Variants in NIPAL2 observed in about 807,000 individuals in gnomAD.
The protein encoded by NIPAL2 is NIPA-like protein 2.
A neutral mutation model predicts 48.9 loss-of-function variants in NIPAL2; 43 were observed. The observed-to-expected ratio is 0.88, with a 90% CI of 0.69 to 1.13. NIPAL2 has a LOEUF of 1.13. Among genes scored for constraint, NIPAL2 ranks in the 50% most tolerant of loss-of-function variants. The probability of loss-of-function intolerance (pLI) is 0.00; values close to 1 mark genes in which losing one functional copy is unlikely to be tolerated. For missense variants in NIPAL2, 446 were observed against 461.4 expected (o/e 0.97, Z 0.31); for synonymous variants, 167 against 174.6 (o/e 0.96, Z 0.34).
chr8:98,217,382 G>C, intron 5 of NIPAL2: 1 of 970,048 alleles, frequency 1.0e-6, no homozygotes, highest in Non-Finnish European at 1.2e-6. Flanking sequence ...AATGTATTCA[G>C]GCTTATACAT....
At chr8:98,271,929 T>C (rs751300331) in intron 1 of NIPAL2, among the ~76,000 whole-genome samples, 1 of 152,110 alleles carries the variant, frequency 6.6e-6, no homozygotes, top group African/African-American at 2.4e-5. Context: ...TATCAAAAGC[T>C]TATTCTACGT....
At chr8:98,272,653 C>T (rs1217647837) in intron 1 of NIPAL2, among the ~76,000 whole-genome samples, 4 of 148,042 alleles carry the variant, frequency 2.7e-5, no homozygotes, top group Admixed American at 6.7e-5. Context: ...CTCACTCTGT[C>T]GCCCAGGTTG....
At chr8:98,196,977 A>G (rs1017307029) in intron 8 of NIPAL2, among the ~76,000 whole-genome samples, 2 of 152,204 alleles carry the variant, frequency 1.3e-5, no homozygotes, top group African/African-American at 2.4e-5. Flanking sequence ...AGGTTATTAC[A>G]TACTTCCTTA....
At chr8:98,266,571 G>T (rs902547651) in intron 1 of NIPAL2, among the ~76,000 whole-genome samples, 2 of 137,358 alleles carry the variant, frequency 1.5e-5, no homozygotes, top group Non-Finnish European at 3.1e-5. Flanking sequence ...AAAAAAAAAA[G>T]CCATTCAAAG....
chr8:98,236,734 C>T (rs555815796), intron 3 of NIPAL2, among the ~76,000 whole-genome samples: 40 of 151,576 alleles, frequency 2.6e-4, no homozygotes, highest in African/African-American at 9.7e-4. Context: ...GGCCTGTAGT[C>T]CCAGCTACTG....
chr8:98,213,646 T>C (rs571529206), intron 5 of NIPAL2, among the ~76,000 whole-genome samples: 38 of 152,254 alleles, frequency 2.5e-4, no homozygotes, highest in Middle Eastern at 3.4e-3. Flanking sequence ...TTCAGATTGC[T>C]CCTGCCTGTG....
chr8:98,261,158 T>C (rs1228944013), intron 1 of NIPAL2, among the ~76,000 whole-genome samples: 1 of 150,672 alleles, frequency 6.6e-6, no homozygotes, highest in African/African-American at 2.4e-5. Context: ...CAAAAGTAGA[T>C]AAAACCACAA....
In NIPAL2 at chr8:98,288,228, C is replaced by A. The variant is rs1816293854; in HGVS notation, c.135+5775G>T. Among the ~76,000 whole-genome samples the A allele has an allele frequency of 3.5e-5, 5 of 142,696 alleles. No homozygotes were observed. In the South Asian group the frequency reaches 1.2e-3, roughly 33 times the overall value. 93.6% of individuals were successfully genotyped at this position (142,696 alleles called of 152,430 possible). On this transcript the variant is annotated intron_variant, in intron 1 of 10. Transcript: ENST00000430223. ...ACAACAGTCCCCAGAGTGTGATATT[C>A]CCTTTCCTGTGTCCATGTGATCTCA...
In NIPAL2 at chr8:98,202,179, A is replaced by G. The variant is rs183033178; in HGVS notation, c.880+929T>C. Among the ~76,000 whole-genome samples the G allele has an allele frequency of 5.8e-4, 89 of 152,382 alleles. 1 individual carries two copies. The highest frequency in any genetic ancestry group is 3.4e-3 in the Middle Eastern group (1 of 294). Reference sequence around the variant, plus strand: ...AAAAGAACTGCAATAGTAGAAAAATAGAGGCCAGAATAGCAAAGGCAGTAG... The same window carrying G: ...AAAAGAACTGCAATAGTAGAAAAATGGAGGCCAGAATAGCAAAGGCAGTAG... On this transcript the variant is annotated intron_variant, in intron 8 of 10. Transcript: ENST00000430223.
At chr8:98,206,475 G>A (rs937721218) in intron 6 of NIPAL2, among the ~76,000 whole-genome samples, 5 of 151,958 alleles carry the variant, frequency 3.3e-5, no homozygotes, top group African/African-American at 9.7e-5. Flanking sequence ...TTCCAAATTA[G>A]GCATTTTCTT....
intron 8 of NIPAL2, among the ~76,000 whole-genome samples, chr8:98,200,737 C>T (rs932099102): frequency 3.9e-5 from 6 of 152,208 alleles, no homozygotes; most frequent in Non-Finnish European, 7.3e-5. Context: ...TACATCCCCA[C>T]CAATGGTGTA....
At chr8:98,283,859 T>C (rs970625751) in intron 1 of NIPAL2, among the ~76,000 whole-genome samples, 1 of 152,182 alleles carries the variant, frequency 6.6e-6, no homozygotes, top group Non-Finnish European at 1.5e-5. Flanking sequence ...TGCCTTGATA[T>C]GGGGAGGGAT....
chr8:98,213,166 T>C (rs931659594), intron 5 of NIPAL2, among the ~76,000 whole-genome samples: 2 of 152,202 alleles, frequency 1.3e-5, no homozygotes, highest in Non-Finnish European at 2.9e-5. Flanking sequence ...CCGACACCTC[T>C]GAAGTCTCTC....
Position 98,271,697 on chromosome 8 carries a change from C to A in NIPAL2, c.136-17610G>T, listed in dbSNP as rs1026939196. On this transcript the variant is annotated intron_variant, in intron 1 of 10. Transcript: ENST00000430223. ...GGATGCCCTTTATTTCTTTCTCTTG[C>A]CTGATTGCTGTGGATAGGACTTTTA... Among the ~76,000 whole-genome samples, 89 of 152,022 alleles carry A rather than the reference C, an allele frequency of 5.9e-4. 2 individuals are homozygous for A. Among genetic ancestry groups the A allele is most frequent in the Non-Finnish European group, 1.5e-5 (1 of 67,980 alleles).
chr8:98,247,113 G>A (rs541819073), intron 3 of NIPAL2, among the ~76,000 whole-genome samples: 2 of 152,158 alleles, frequency 1.3e-5, no homozygotes, highest in African/African-American at 2.4e-5. Context: ...AGACCTATGA[G>A]TGTTCACAAG....
At chr8:98,229,686 T>C (rs1007434729) in intron 4 of NIPAL2, among the ~76,000 whole-genome samples, 1 of 152,072 alleles carries the variant, frequency 6.6e-6, no homozygotes, top group African/African-American at 2.4e-5. Flanking sequence ...CCAGTAATAA[T>C]TTTTTTTAGG....
At chr8:98,292,144 A>G (rs1816519866) in intron 1 of NIPAL2, among the ~76,000 whole-genome samples, 1 of 152,210 alleles carries the variant, frequency 6.6e-6, no homozygotes, top group Non-Finnish European at 1.5e-5. Context: ...AGCAACCAAC[A>G]TTCATTTTGA....
chr8:98,279,773 G>A (rs1287880109), intron 1 of NIPAL2, among the ~76,000 whole-genome samples: 2 of 152,202 alleles, frequency 1.3e-5, no homozygotes, highest in Non-Finnish European at 2.9e-5. Context: ...ACAATAGTTA[G>A]GAGGAAAGGT....
chr8:98,252,001 G>T (rs1181796944), intron 3 of NIPAL2, among the ~76,000 whole-genome samples: 4 of 151,996 alleles, frequency 2.6e-5, no homozygotes, highest in Non-Finnish European at 4.4e-5. Flanking sequence ...TGACATTACT[G>T]TAAAATTACA....
Sources: gnomAD v4.1 joint callset for allele counts (sites outside exome capture counted in the v4.1 genomes callset) on GRCh38, gnomAD v4.1.1 for gene constraint, MANE v1.5 for transcripts, NCBI Gene and HGNC (gene_info 2026-07-23, HGNC 2026-07-21) for gene names.